The following MCHR2 variants were observed in gnomAD, a reference collection of about 807,000 sequenced individuals.
MCHR2 encodes melanin concentrating hormone receptor 2, also known as melanin-concentrating hormone receptor 2.
MCHR2 carries 15 observed loss-of-function variants against 24.8 expected under a neutral mutation model. That is an observed-to-expected ratio of 0.60 (90% CI 0.40 to 0.93). The LOEUF is 0.93. MCHR2 is among the 40% of genes least tolerant of loss of function. The probability of loss-of-function intolerance (pLI) is 0.00; values close to 1 mark genes in which losing one functional copy is unlikely to be tolerated. For synonymous variants in MCHR2, 151 were observed against 147.6 expected (o/e 1.02, Z -0.17); for missense variants, 386 against 408.7 (o/e 0.94, Z 0.48).
At chr6:99,968,627 C>T (rs1412713107) in intron 1 of MCHR2, among the ~76,000 whole-genome samples, 1 of 151,762 alleles carries the variant, frequency 6.6e-6, no homozygotes, top group Non-Finnish European at 1.5e-5. Flanking sequence ...TACTATCAAC[C>T]AAAAGGATTT....
At chr6:99,940,293 T>C (rs2114517546) in intron 4 of MCHR2, among the ~76,000 whole-genome samples, 1 of 152,252 alleles carries the variant, frequency 6.6e-6, no homozygotes, top group Middle Eastern at 3.4e-3. Context: ...TTCCTTTTTC[T>C]GACTGTGTAT....
At chr6:99,947,076 T>C (rs1774885165) in intron 3 of MCHR2, among the ~76,000 whole-genome samples, 1 of 152,142 alleles carries the variant, frequency 6.6e-6, no homozygotes, top group Admixed American at 6.6e-5. Flanking sequence ...ACCATCACCA[T>C]CATCTCCTCA....
At chr6:99,938,801 A>G (rs1387179713) in intron 4 of MCHR2, among the ~76,000 whole-genome samples, 1 of 152,032 alleles carries the variant, frequency 6.6e-6, no homozygotes, top group Non-Finnish European at 1.5e-5. Flanking sequence ...ATCTCTTACT[A>G]TTATTGCATT....
intron 1 of MCHR2, among the ~76,000 whole-genome samples, chr6:99,988,371 C>T (rs750370953): frequency 1.3e-5 from 2 of 152,140 alleles, no homozygotes; most frequent in Non-Finnish European, 2.9e-5. Context: ...AGTCCTCATC[C>T]TCATGTAAGC....
intron 1 of MCHR2, among the ~76,000 whole-genome samples, chr6:99,961,407 T>G (rs1018071703): frequency 2.0e-5 from 3 of 152,088 alleles, no homozygotes; most frequent in African/African-American, 7.2e-5. Flanking sequence ...CACATGCACA[T>G]GTATGTTTAC....
intron 5 of MCHR2, among the ~76,000 whole-genome samples, chr6:99,927,360 C>T (rs1017647547): frequency 1.3e-5 from 2 of 152,038 alleles, no homozygotes; most frequent in African/African-American, 4.8e-5. Flanking sequence ...TAGTTTTTTC[C>T]AATTCTGTGA....
chr6:99,984,397 T>C (rs532198774), intron 1 of MCHR2, among the ~76,000 whole-genome samples: 3 of 151,460 alleles, frequency 2.0e-5, no homozygotes, highest in Non-Finnish European at 4.4e-5. Context: ...TCTCCTGAAG[T>C]TATCCCTCCC....
intron 1 of MCHR2, among the ~76,000 whole-genome samples, chr6:99,961,224 T>A (rs977282498): frequency 5.3e-5 from 8 of 152,182 alleles, no homozygotes; most frequent in African/African-American, 1.9e-4. Flanking sequence ...CTTTTTTTTT[T>A]AGAATGTTTT....
chr6:99,975,397 T>C (rs974190887), intron 1 of MCHR2, among the ~76,000 whole-genome samples: 1 of 152,190 alleles, frequency 6.6e-6, no homozygotes, highest in Admixed American at 6.5e-5. Flanking sequence ...AATCTCCTGG[T>C]GTCCCGTTTT....
At chr6:99,969,015 T>C (rs1562130400) in intron 1 of MCHR2, among the ~76,000 whole-genome samples, 1 of 152,148 alleles carries the variant, frequency 6.6e-6, no homozygotes, top group Non-Finnish European at 1.5e-5. Flanking sequence ...CTTAAGTGCA[T>C]TTATTATAAA....
chr6:99,944,753 T>C (rs1774843398), intron 3 of MCHR2, among the ~76,000 whole-genome samples: 1 of 152,164 alleles, frequency 6.6e-6, no homozygotes, highest in Non-Finnish European at 1.5e-5. Flanking sequence ...TTAAGGAATC[T>C]TCTCTGATAG....
At chr6:99,984,007 T>C (rs1775721689) in intron 1 of MCHR2, among the ~76,000 whole-genome samples, 2 of 152,174 alleles carry the variant, frequency 1.3e-5, no homozygotes. Flanking sequence ...AGCTGGTAGG[T>C]GAATCATTTG....
Position 99,920,950 on chromosome 6 carries a change from G to T in MCHR2, c.1013C>A (p.Ser338Ter). 1 of 1,613,838 alleles carries T rather than the reference G, an allele frequency of 6.2e-7. No homozygotes were observed. Among genetic ancestry groups the T allele is most frequent in the South Asian group, 1.1e-5 (1 of 91,040 alleles). The change falls in exon 6 of 6, where the codon TCA (serine) becomes TAA (stop). Residue 338 changes from serine (S) to a stop codon, truncating the protein, a stop_gained. Coordinates refer to ENST00000281806, the MANE Select transcript of MCHR2 (RefSeq NM_001040179.2). LOFTEE classifies it high-confidence loss of function. ...EINNMGNTLK[S>*]HF is the part of the protein sequence containing the mutation. Reference sequence around the variant, plus strand: ...GATCCATGTACTTTCCTAAAAGTGTGATTTCAGAGTGTTTCCCATATTGTT... The same window carrying T: ...GATCCATGTACTTTCCTAAAAGTGTTATTTCAGAGTGTTTCCCATATTGTT...
chr6:99,926,651 T>C (rs1166972041), intron 5 of MCHR2, among the ~76,000 whole-genome samples: 1 of 152,224 alleles, frequency 6.6e-6, no homozygotes, highest in Non-Finnish European at 1.5e-5. Context: ...GAAGTGTCTG[T>C]TCATGTCCTT....
At chr6:99,982,113 A>G (rs920928119) in intron 1 of MCHR2, among the ~76,000 whole-genome samples, 7 of 152,078 alleles carry the variant, frequency 4.6e-5, no homozygotes, top group Admixed American at 2.0e-4. Context: ...TTCAGATGGA[A>G]CATCGGGTTT....
chr6:99,934,581 GA>G (rs1774617676), intron 4 of MCHR2, 64 bp from the exon 5 acceptor site: 1 of 1,389,820 alleles, frequency 7.2e-7, no homozygotes, highest in Non-Finnish European at 9.4e-7. Flanking sequence ...ATTGGATTAG[GA>G]ATTGGCTTTT....
rs542641909 is a variant in MCHR2, at chr6:99,960,199, G to GA, written c.-27-4026dup. ...GGATGATATAGTCAATGTGCTGAAA[G>GA]AAAAAAACTGTCAACCAAGAATACT... On this transcript the variant is annotated intron_variant, in intron 1 of 5. Transcript: ENST00000281806. Among the ~76,000 whole-genome samples the GA allele has an allele frequency of 1.7e-3, 256 of 152,020 alleles. 1 individual carries two copies. The highest frequency in any genetic ancestry group is 5.6e-3 in the African/African-American group (234 of 41,480).
intron 5 of MCHR2, among the ~76,000 whole-genome samples, chr6:99,931,480 G>A (rs1235147646): frequency 6.6e-6 from 1 of 152,184 alleles, no homozygotes; most frequent in Non-Finnish European, 1.5e-5. Flanking sequence ...CTTGAGCTGT[G>A]GTGGGCTCCA....
At chr6:99,932,426 C>G (rs1774565835) in intron 5 of MCHR2, among the ~76,000 whole-genome samples, 1 of 152,180 alleles carries the variant, frequency 6.6e-6, no homozygotes, top group Admixed American at 6.5e-5. Context: ...CATCTTCCTG[C>G]TTCCCCTTTG....
Sources: allele counts gnomAD v4.1 joint callset (sites outside exome capture counted in the v4.1 genomes callset), GRCh38; gene constraint gnomAD v4.1.1; transcripts MANE v1.5; gene names NCBI Gene and HGNC (gene_info 2026-07-23, HGNC 2026-07-21).